Variants in POLQ observed in about 807,000 individuals in gnomAD.
The protein encoded by POLQ is DNA polymerase theta.
POLQ carries 233 observed loss-of-function variants against 259.2 expected under a neutral mutation model. That is an observed-to-expected ratio of 0.90 (90% CI 0.81 to 1.00). The LOEUF (loss-of-function observed/expected upper bound fraction) is 1.00, where lower values mean the gene tolerates loss of function less well. POLQ is among the 50% of genes least tolerant of loss of function. The pLI is 0.00. For synonymous variants in POLQ, 1,025 were observed against 1,048.8 expected, an observed-to-expected ratio of 0.98 and a Z score of 0.44; for missense variants, 2,871 against 3,051.6, an observed-to-expected ratio of 0.94 and a Z score of 1.39.
intron 25 of POLQ, among the ~76,000 whole-genome samples, chr3:121,459,571 C>T (rs749308824): frequency 2.6e-5 from 4 of 151,836 alleles, no homozygotes; most frequent in Non-Finnish European, 5.9e-5. Flanking sequence ...TTAGTAGAGA[C>T]GGGGTTTCAC....
At chr3:121,446,598 A>G (rs1057483723) in intron 26 of POLQ, among the ~76,000 whole-genome samples, 1 of 152,104 alleles carries the variant, frequency 6.6e-6, no homozygotes, top group Non-Finnish European at 1.5e-5. Flanking sequence ...TTTGCTTTAT[A>G]TGTCCAGGTG....
intron 26 of POLQ, among the ~76,000 whole-genome samples, chr3:121,441,424 T>G (rs2047591570): frequency 6.6e-6 from 1 of 152,196 alleles, no homozygotes. Context: ...CACTCACTCA[T>G]CTGCTTTATG....
chr3:121,461,649 C>CA (rs61467705), intron 24 of POLQ, among the ~76,000 whole-genome samples: 1 of 77,930 alleles, frequency 1.3e-5, no homozygotes, highest in Non-Finnish European at 2.6e-5. Context: ...GACTCCGTCT[C>CA]AAAAAAAAAA....
At chr3:121,514,419 C>T (rs2048280034) in intron 9 of POLQ, among the ~76,000 whole-genome samples, 1 of 148,208 alleles carries the variant, frequency 6.7e-6, no homozygotes, top group East Asian at 2.0e-4. Flanking sequence ...ATGCATAGAC[C>T]ACAAAACTAC....
rs1422548026 is a variant in POLQ, at chr3:121,510,217, T to C, written c.1638A>G (p.Thr546=). 13 of 1,612,918 alleles carry C rather than the reference T, an allele frequency of 8.1e-6. No homozygotes were observed. The highest frequency in any genetic ancestry group is 3.3e-5 in the Admixed American group (2 of 60,000). Residue 546 remains threonine, a synonymous_variant, in exon 11 of 30, where the codon ACA becomes ACG. Coordinates refer to ENST00000264233, the MANE Select transcript of POLQ (RefSeq NM_199420.4). ...CAGCATAAGTATGCATATCTTGTGATGTACTTGCCACTCCACCAACTATTA... is the reference window on the plus strand; with the variant it reads ...CAGCATAAGTATGCATATCTTGTGACGTACTTGCCACTCCACCAACTATTA... The part of the protein sequence containing the change: ...LEIIVGGVAS[T]SQDMHTYAAC...
intron 9 of POLQ, among the ~76,000 whole-genome samples, chr3:121,512,304 G>C (rs1300490653): frequency 6.6e-6 from 1 of 152,162 alleles, no homozygotes; most frequent in Non-Finnish European, 1.5e-5. Flanking sequence ...CTCCCTATCT[G>C]CCTAAAAGCA....
chr3:121,454,430 A>G (rs1263052891), intron 25 of POLQ, among the ~76,000 whole-genome samples: 4 of 152,354 alleles, frequency 2.6e-5, no homozygotes, highest in African/African-American at 9.6e-5. Context: ...TAAAAGACAC[A>G]GACTGGCAAA....
intron 6 of POLQ, 109 bp from the exon 7 acceptor site, chr3:121,529,901 A>G (rs367775428): frequency 1.5e-5 from 11 of 716,894 alleles, no homozygotes; most frequent in Admixed American, 1.0e-4. Context: ...TCTTTAAGGC[A>G]TAATGAAAAT....
At chr3:121,463,225 C>A (rs958027562) in intron 24 of POLQ, among the ~76,000 whole-genome samples, 8 of 152,100 alleles carry the variant, frequency 5.3e-5, no homozygotes, top group African/African-American at 1.9e-4. Context: ...GGTAGTGAGT[C>A]CGTCTCACGA....
At chr3:121,498,350 G>A in intron 13 of POLQ, 127 bp downstream of exon 13, 1 of 564,938 alleles carries the variant, frequency 1.8e-6, no homozygotes. Flanking sequence ...AAAGAAAACT[G>A]AAAAATCTTA....
intron 28 of POLQ, among the ~76,000 whole-genome samples, chr3:121,433,474 G>A (rs904585846): frequency 6.6e-6 from 1 of 152,168 alleles, no homozygotes; most frequent in African/African-American, 2.4e-5. Context: ...ATGGCCAGAA[G>A]TGTCATCGTG....
At chr3:121,540,494 A>G (rs901046401) in intron 3 of POLQ, among the ~76,000 whole-genome samples, 7 of 152,252 alleles carry the variant, frequency 4.6e-5, no homozygotes, top group African/African-American at 1.7e-4. Context: ...AAAATATTGT[A>G]TTTGTGAAAA....
intron 25 of POLQ, 79 bp downstream of exon 25, chr3:121,459,971 A>G: frequency 5.5e-6 from 6 of 1,094,894 alleles, no homozygotes; most frequent in Non-Finnish European, 8.3e-6. Flanking sequence ...TCTCAGCTGC[A>G]AATAATTGAG....
chr3:121,456,954 G>A (rs2047744148), intron 25 of POLQ, among the ~76,000 whole-genome samples: 1 of 152,148 alleles, frequency 6.6e-6, no homozygotes, highest in African/African-American at 2.4e-5. Context: ...GAACAAAGCT[G>A]GAGGCATCAA....
In POLQ at chr3:121,432,195, C is replaced by T; in HGVS notation, c.*109G>A. 1 of 1,004,148 alleles carries T rather than the reference C, an allele frequency of 1.0e-6. No homozygotes were observed. The highest frequency in any genetic ancestry group is 1.7e-5 in the African/African-American group (1 of 59,396). The allele number at this position is 1,004,148 out of a possible 1,614,324, so 62.2% of individuals were successfully genotyped here. A position where few individuals can be genotyped will look rare whatever the true frequency, so the allele number is the denominator to read the frequency against. On this transcript the variant is annotated 3_prime_UTR_variant, in exon 30 of 30. Coordinates refer to ENST00000264233, the MANE Select transcript of POLQ (RefSeq NM_199420.4). Reference sequence around the variant, plus strand: ...TATAAAATTACTAGGCTAAGTCTATCAAGACTTGAAAGTTTGTTTTGCTGA... The same window carrying T: ...TATAAAATTACTAGGCTAAGTCTATTAAGACTTGAAAGTTTGTTTTGCTGA...
intron 12 of POLQ, among the ~76,000 whole-genome samples, chr3:121,501,579 G>A (rs1430442724): frequency 1.4e-5 from 2 of 146,854 alleles, no homozygotes; most frequent in Non-Finnish European, 3.0e-5. Flanking sequence ...GGAGAATGGC[G>A]TGAACCCGGG....
intron 24 of POLQ, among the ~76,000 whole-genome samples, chr3:121,463,152 A>AT (rs1247517466): frequency 6.6e-6 from 1 of 152,154 alleles, no homozygotes; most frequent in African/African-American, 2.4e-5. Context: ...CAAAACTCAC[A>AT]TGTCAAGAGG....
chr3:121,490,776 G>A (rs574786501), intron 15 of POLQ, among the ~76,000 whole-genome samples: 7 of 152,278 alleles, frequency 4.6e-5, no homozygotes, highest in Non-Finnish European at 7.4e-5. Flanking sequence ...ACATCCGGCC[G>A]GGCGCGGTAG....
At position 121,481,652 on chromosome 3, in the gene POLQ, T is replaced by C; in HGVS notation, c.6131A>G (p.Tyr2044Cys). ...LNAGSEHSGR[Y>C]RASVESILIF... ...GAGAATGGACTCCACAGATGCTCTG[T>C]ATCGCCCAGAATGCTCACTGCCAGC... Residue 2044 changes from tyrosine to cysteine, a missense_variant, in exon 19 of 30, where the codon TAC (tyrosine) becomes TGC (cysteine). Physicochemically the swap from Tyr to Cys is radical, Grantham distance 194. Around this residue, in one of 3 missense-constraint regions of POLQ, gnomAD observed 2,080 missense variants for 2,126.0 expected, o/e 0.98. Transcript: ENST00000264233. 1.9e-6 allele frequency: 3 copies of C among 1,614,058 alleles called. No homozygotes were observed. The highest frequency in any genetic ancestry group is 8.5e-7 in the Non-Finnish European group (1 of 1,179,936).
Sources: allele counts gnomAD v4.1 joint callset (sites outside exome capture counted in the v4.1 genomes callset), GRCh38; gene constraint gnomAD v4.1.1; regional missense constraint gnomAD v4.1.1; transcripts MANE v1.5; gene names NCBI Gene and HGNC (gene_info 2026-07-23, HGNC 2026-07-21).